The following RREB1 variants were observed in gnomAD, a reference collection of about 807,000 sequenced individuals.
The protein encoded by RREB1 is ras-responsive element-binding protein 1.
Under a neutral mutation model 117.8 loss-of-function variants are expected in RREB1, and 27 were observed. The observed-to-expected ratio is 0.23, with a 90% CI of 0.17 to 0.32. The LOEUF is 0.32. Ranked by LOEUF, RREB1 falls within the 10% of genes least tolerant of loss-of-function variation. The pLI is 1.00. For missense variants in RREB1, 2,577 were observed against 2,378.2 expected (o/e 1.08, Z -1.74); for synonymous variants, 1,298 against 1,026.7 (o/e 1.26, Z -5.05).
rs1173025684 is a variant in RREB1, at chr6:7,189,172, C to T, written c.275C>T (p.Thr92Ile). The T allele has an allele frequency of 1.2e-6, 2 of 1,613,104 alleles. No individual in the cohort carries two copies. The highest frequency in any genetic ancestry group is 1.7e-6 in the Non-Finnish European group (2 of 1,179,932). ...TMHIRQHNTD[T>I]GGADHSCSIC... is the part of the protein sequence containing the mutation. Reference sequence around the variant, plus strand: ...TGCTTTCTGCAGCACAACACAGACACTGGAGGAGCCGACCACTCATGCAGC... The same window carrying T: ...TGCTTTCTGCAGCACAACACAGACATTGGAGGAGCCGACCACTCATGCAGC... The change falls in exon 6 of 13, where the codon ACT (threonine) becomes ATT (isoleucine). Residue 92 changes from threonine (T) to isoleucine (I), a missense_variant. Physicochemically the swap from Thr to Ile is moderately conservative, Grantham distance 89 (BLOSUM62 -1). Transcript: ENST00000379938.
chr6:7,228,691 A>G (rs1047938267), intron 9 of RREB1, among the ~76,000 whole-genome samples: 5 of 151,458 alleles, frequency 3.3e-5, no homozygotes, highest in African/African-American at 1.2e-4. Context: ...TTTTTTTTAT[A>G]GAGACAAGGT....
intron 1 of RREB1, among the ~76,000 whole-genome samples, chr6:7,109,856 T>C (rs992424640): frequency 1.3e-5 from 2 of 152,066 alleles, no homozygotes; most frequent in Non-Finnish European, 2.9e-5. Context: ...TGGTGGTGGA[T>C]GTGGAGAGAG....
intron 4 of RREB1, among the ~76,000 whole-genome samples, chr6:7,182,321 C>T (rs1006417097): frequency 1.3e-5 from 2 of 152,110 alleles, no homozygotes; most frequent in African/African-American, 4.8e-5. Flanking sequence ...TTTTTGGCCC[C>T]ACCATTGGAT....
In RREB1 at chr6:7,246,297, A is replaced by G. The variant is rs1581598416; in HGVS notation, c.3974-127A>G. 4 of 780,556 alleles carry G rather than the reference A, an allele frequency of 5.1e-6. No individual in the cohort carries two copies. The Admixed American group carries it at 1.4e-4, about 27-fold the overall frequency. 48.4% of individuals were successfully genotyped at this position (780,556 alleles called of 1,614,324 possible). On this transcript the variant is annotated intron_variant, in intron 11 of 12. Coordinates refer to ENST00000379938, the MANE Select transcript of RREB1 (RefSeq NM_001003699.4). ...TAACAGGTGGTGAGGATTTGGGCCG[A>G]AAGAAGTCCTCACTGGTTTGGGGTT...
intron 1 of RREB1, among the ~76,000 whole-genome samples, chr6:7,152,954 A>AGT (rs2113432874): frequency 1.3e-5 from 2 of 152,322 alleles, no homozygotes; most frequent in Non-Finnish European, 2.9e-5. Flanking sequence ...CGATTCTCTT[A>AGT]CATACTTCTT....
intron 1 of RREB1, among the ~76,000 whole-genome samples, chr6:7,109,253 C>T (rs902029214): frequency 2.0e-5 from 3 of 151,930 alleles, no homozygotes; most frequent in Admixed American, 6.5e-5. Context: ...CTGTTGCTGC[C>T]CCCCCCGCCC....
Position 7,226,664 on chromosome 6 carries a change from G to A in RREB1, c.897+8G>A. ...TTTCCTCGCATTTCTCAGGTATTCT[G>A]ATCAGCCCATGGAAGCAACCAGCAA... is the stretch of plus-strand genomic sequence containing the variant. On this transcript the variant is annotated splice_region_variant and intron_variant, in intron 9 of 12. Coordinates refer to ENST00000379938, the MANE Select transcript of RREB1 (RefSeq NM_001003699.4). 1 of 1,611,802 alleles carries A rather than the reference G, an allele frequency of 6.2e-7. No homozygotes were observed. Among genetic ancestry groups the A allele is most frequent in the Non-Finnish European group, 8.5e-7 (1 of 1,178,528 alleles).
intron 1 of RREB1, among the ~76,000 whole-genome samples, chr6:7,141,116 C>A (rs1420164962): frequency 6.6e-6 from 1 of 152,208 alleles, no homozygotes; most frequent in African/African-American, 2.4e-5. Flanking sequence ...CAGGGCTCCA[C>A]GGCCGCAGGG....
chr6:7,186,025 G>T (rs1765062783), intron 4 of RREB1, among the ~76,000 whole-genome samples: 2 of 152,312 alleles, frequency 1.3e-5, no homozygotes, highest in Admixed American at 6.5e-5. Context: ...CATGGTAAGT[G>T]TGCAGTAATT....
At chr6:7,163,914 G>A (rs938730327) in intron 1 of RREB1, among the ~76,000 whole-genome samples, 17 of 152,176 alleles carry the variant, frequency 1.1e-4, no homozygotes, top group Non-Finnish European at 2.5e-4. Context: ...TCCTGACTTC[G>A]TGGCTGGGAG....
intron 1 of RREB1, chr6:7,108,602 C>T (rs950129589): frequency 1.3e-5 from 2 of 152,292 alleles, no homozygotes; most frequent in East Asian, 1.9e-4. Flanking sequence ...CATCCTCCCC[C>T]CCATGTGGGA....
chr6:7,164,794 C>T (rs561241202), intron 1 of RREB1, among the ~76,000 whole-genome samples: 5 of 152,340 alleles, frequency 3.3e-5, no homozygotes, highest in African/African-American at 7.2e-5. Flanking sequence ...TCAAAGACCA[C>T]GACCTGGCCT....
chr6:7,169,861 G>T (rs913499992), intron 1 of RREB1, among the ~76,000 whole-genome samples: 3 of 152,196 alleles, frequency 2.0e-5, no homozygotes, highest in Admixed American at 2.0e-4. Context: ...TAGCTCTCCC[G>T]TGGATCATGT....
At chr6:7,180,130 C>T (rs1764715741) in intron 2 of RREB1, among the ~76,000 whole-genome samples, 1 of 152,150 alleles carries the variant, frequency 6.6e-6, no homozygotes, top group Admixed American at 6.5e-5. Flanking sequence ...TGCGGTTAGT[C>T]CTTTTACCTA....
At chr6:7,136,878 G>A (rs769644857) in intron 1 of RREB1, among the ~76,000 whole-genome samples, 2 of 152,206 alleles carry the variant, frequency 1.3e-5, no homozygotes, top group Admixed American at 6.5e-5. Context: ...TATTAAAAAG[G>A]TATGCATAGG....
At chr6:7,165,950 G>A (rs1283354179) in intron 1 of RREB1, among the ~76,000 whole-genome samples, 1 of 152,184 alleles carries the variant, frequency 6.6e-6, no homozygotes, top group Non-Finnish European at 1.5e-5. Flanking sequence ...AAGAGCCTGG[G>A]CATGTTCAGT....
chr6:7,143,054 A>G (rs1353435710), intron 1 of RREB1, among the ~76,000 whole-genome samples: 1 of 150,172 alleles, frequency 6.7e-6, no homozygotes, highest in African/African-American at 2.5e-5. Context: ...GTCTTGAGAC[A>G]AATGAATACA....
intron 1 of RREB1, among the ~76,000 whole-genome samples, chr6:7,117,580 AT>A (rs796599206): frequency 6.7e-6 from 1 of 149,940 alleles, no homozygotes. Flanking sequence ...TAATTTTTGT[AT>A]TTTTTTTAGT....
chr6:7,231,983 G>T (rs575905989), intron 10 of RREB1, 76 bp downstream of exon 10: 2 of 1,392,836 alleles, frequency 1.4e-6, no homozygotes, highest in Non-Finnish European at 2.0e-6. Context: ...GGTCAAAAGC[G>T]AGACCCATCT....
Sources: gnomAD v4.1 joint callset for allele counts (sites outside exome capture counted in the v4.1 genomes callset) on GRCh38, gnomAD v4.1.1 for gene constraint, MANE v1.5 for transcripts, NCBI Gene and HGNC (gene_info 2026-07-23, HGNC 2026-07-21) for gene names.